RBM20: variants seen among roughly 807,000 people sequenced by gnomAD.
The protein encoded by RBM20 is RNA binding motif protein 20, also known as RNA-binding protein 20.
Under a neutral mutation model 110.1 loss-of-function variants are expected in RBM20, and 51 were observed. The ratio of observed to expected loss-of-function variants is 0.46; its 90% CI spans 0.37 to 0.59. The LOEUF is 0.59. RBM20 is among the 20% of genes least tolerant of loss of function. The probability of loss-of-function intolerance (pLI) is 0.00; values close to 1 mark genes in which losing one functional copy is unlikely to be tolerated. For missense variants in RBM20, 1,512 were observed against 1,574.9 expected, an observed-to-expected ratio of 0.96 and a Z score of 0.68; for synonymous variants, 589 against 618.2, an observed-to-expected ratio of 0.95 and a Z score of 0.70.
intron 1 of RBM20, among the ~76,000 whole-genome samples, chr10:110,648,877 CAA>C (rs1169945988): frequency 6.6e-6 from 1 of 151,860 alleles, no homozygotes; most frequent in East Asian, 1.9e-4. Context: ...CTCAAATTGC[CAA>C]AGAGATCAGT....
At chr10:110,765,387 G>C (rs1844066446) in intron 1 of RBM20, among the ~76,000 whole-genome samples, 1 of 151,876 alleles carries the variant, frequency 6.6e-6, no homozygotes, top group Non-Finnish European at 1.5e-5. Flanking sequence ...TCATGAGCAG[G>C]GGATATTTCG....
chr10:110,729,039 T>G (rs1449569040), intron 1 of RBM20, among the ~76,000 whole-genome samples: 1 of 152,244 alleles, frequency 6.6e-6, no homozygotes, highest in East Asian at 1.9e-4. Context: ...TATAGGCTTT[T>G]AATACTGTTC....
At chr10:110,732,612 G>T (rs1317820840) in intron 1 of RBM20, among the ~76,000 whole-genome samples, 1 of 152,124 alleles carries the variant, frequency 6.6e-6, no homozygotes, top group Non-Finnish European at 1.5e-5. Flanking sequence ...GGGTCCAGGG[G>T]CCTTCTGGGT....
At chr10:110,808,920 T>A (rs1195036909) in intron 7 of RBM20, among the ~76,000 whole-genome samples, 1 of 152,124 alleles carries the variant, frequency 6.6e-6, no homozygotes, top group Non-Finnish European at 1.5e-5. Flanking sequence ...GTATGGCTCT[T>A]ATTGCATGAT....
At chr10:110,707,935 C>T (rs1006130127) in intron 1 of RBM20, among the ~76,000 whole-genome samples, 2 of 152,166 alleles carry the variant, frequency 1.3e-5, no homozygotes, top group Non-Finnish European at 2.9e-5. Flanking sequence ...ATGACAAATG[C>T]ATGAGTTACC....
At position 110,699,498 on chromosome 10, in the gene RBM20, C is replaced by G. The variant is rs534280105; in HGVS notation, c.191+54853C>G. On this transcript the variant is annotated intron_variant, in intron 1 of 13. Coordinates refer to ENST00000369519, the MANE Select transcript of RBM20 (RefSeq NM_001134363.3). ...TGTTGGTCAAGCTAGTTTTGAACTC[C>G]TGACCTCAGATGATCTGCCTACCTC... Among the ~76,000 whole-genome samples, 454 of 152,076 alleles carry G rather than the reference C, an allele frequency of 3.0e-3. 2 individuals are homozygous for G. Among genetic ancestry groups the G allele is most frequent in the Non-Finnish European group, 3.8e-3 (256 of 67,994 alleles).
At chr10:110,768,325 CA>C (rs1564840257) in intron 1 of RBM20, among the ~76,000 whole-genome samples, 2 of 152,164 alleles carry the variant, frequency 1.3e-5, no homozygotes, top group African/African-American at 4.8e-5. Flanking sequence ...AAAAGTAATG[CA>C]CATATAATAT....
At chr10:110,757,553 A>G (rs1843937307) in intron 1 of RBM20, among the ~76,000 whole-genome samples, 1 of 152,256 alleles carries the variant, frequency 6.6e-6, no homozygotes, top group African/African-American at 2.4e-5. Flanking sequence ...GATAGATTCC[A>G]TCCTATTACT....
chr10:110,775,633 T>G (rs920696768), intron 1 of RBM20, among the ~76,000 whole-genome samples: 3 of 152,132 alleles, frequency 2.0e-5, no homozygotes, highest in Non-Finnish European at 4.4e-5. Flanking sequence ...TAATCCTCTT[T>G]TCTCCCTATG....
At chr10:110,677,727 A>G (rs1862359673) in intron 1 of RBM20, among the ~76,000 whole-genome samples, 1 of 152,230 alleles carries the variant, frequency 6.6e-6, no homozygotes, top group African/African-American at 2.4e-5. Context: ...AATTTTTCCA[A>G]ATTTCTGATA....
chr10:110,786,077 C>G (rs1453880776), intron 5 of RBM20, among the ~76,000 whole-genome samples: 1 of 152,248 alleles, frequency 6.6e-6, no homozygotes, highest in Admixed American at 6.5e-5. Flanking sequence ...CCAACGGTGA[C>G]AGCTCCTCTT....
At chr10:110,770,927 T>C (rs1844179517) in intron 1 of RBM20, among the ~76,000 whole-genome samples, 1 of 152,252 alleles carries the variant, frequency 6.6e-6, no homozygotes, top group Non-Finnish European at 1.5e-5. Flanking sequence ...AGTCTGTTTG[T>C]TGAATACTTT....
chr10:110,822,440 A>T, intron 11 of RBM20: 1 of 457,254 alleles, frequency 2.2e-6, no homozygotes, highest in Non-Finnish European at 4.4e-6. Flanking sequence ...TCTGACAGTG[A>T]TACAAGACTT....
chr10:110,779,161 A>G (rs1017032347), intron 1 of RBM20, among the ~76,000 whole-genome samples: 5 of 152,160 alleles, frequency 3.3e-5, no homozygotes, highest in African/African-American at 9.7e-5. Flanking sequence ...CCCCTTAGGT[A>G]TCTTTAGGAT....
intron 1 of RBM20, among the ~76,000 whole-genome samples, chr10:110,671,393 C>A (rs1252912511): frequency 6.6e-6 from 1 of 152,164 alleles, no homozygotes; most frequent in Admixed American, 6.5e-5. Flanking sequence ...AAAGTTGTAC[C>A]TGTTTAAAAA....
At chr10:110,676,417 C>T (rs761124004) in intron 1 of RBM20, among the ~76,000 whole-genome samples, 15 of 152,078 alleles carry the variant, frequency 9.9e-5, no homozygotes, top group Non-Finnish European at 1.9e-4. Context: ...AAGGCAGAGA[C>T]GTTTAGACAA....
chr10:110,656,466 A>ATGTGTG (rs35325396), intron 1 of RBM20, among the ~76,000 whole-genome samples: 6 of 147,842 alleles, frequency 4.1e-5, no homozygotes, highest in African/African-American at 7.4e-5. Flanking sequence ...GTATGTACTC[A>ATGTGTG]TGTGTGTGTG....
At chr10:110,715,345 A>T (rs1204783980) in intron 1 of RBM20, among the ~76,000 whole-genome samples, 2 of 152,200 alleles carry the variant, frequency 1.3e-5, no homozygotes, top group Admixed American at 1.3e-4. Flanking sequence ...ACTAACTCCC[A>T]AGTGGAAGTG....
chr10:110,758,576 C>A (rs552076188), intron 1 of RBM20, among the ~76,000 whole-genome samples: 2 of 152,056 alleles, frequency 1.3e-5, no homozygotes, highest in Admixed American at 1.3e-4. Flanking sequence ...AGCACTGGGA[C>A]GTGAGTTTGA....
Sources: gnomAD v4.1 joint callset for allele counts (sites outside exome capture counted in the v4.1 genomes callset) on GRCh38, gnomAD v4.1.1 for gene constraint, MANE v1.5 for transcripts, NCBI Gene and HGNC (gene_info 2026-07-23, HGNC 2026-07-21) for gene names.